PTGIS: variants seen among roughly 807,000 people sequenced by gnomAD.
PTGIS encodes prostacyclin synthase.
A neutral mutation model predicts 50.3 loss-of-function variants in PTGIS; 45 were observed. The observed-to-expected ratio is 0.90, with a 90% CI of 0.70 to 1.15. The LOEUF (loss-of-function observed/expected upper bound fraction) is 1.15, where lower values mean the gene tolerates loss of function less well. Ranked by LOEUF, PTGIS falls within the 50% of genes most tolerant of loss-of-function variation. The pLI is 0.00. For synonymous variants in PTGIS, 260 were observed against 267.7 expected, an observed-to-expected ratio of 0.97 and a Z score of 0.28; for missense variants, 668 against 661.3, an observed-to-expected ratio of 1.01 and a Z score of -0.11.
chr20:49,550,994 A>G (rs1297234488), intron 1 of PTGIS, among the ~76,000 whole-genome samples: 2 of 152,196 alleles, frequency 1.3e-5, no homozygotes, highest in Non-Finnish European at 2.9e-5. Context: ...ACTTGAGGCC[A>G]GGAGTTGAAG....
At chr20:49,548,051 G>A (rs774239902) in intron 2 of PTGIS, 32 bp from the exon 3 acceptor site, 6 of 1,601,634 alleles carry the variant, frequency 3.7e-6, no homozygotes, top group Non-Finnish European at 5.1e-6. Flanking sequence ...AGAGTGAGGA[G>A]TGTCACTGTG....
At chr20:49,516,340 C>T (rs536113959) in intron 6 of PTGIS, among the ~76,000 whole-genome samples, 12 of 152,282 alleles carry the variant, frequency 7.9e-5, no homozygotes, top group African/African-American at 2.9e-4. Context: ...TGCAATGGCA[C>T]GATCGTGGCT....
At chr20:49,508,122 G>A (rs1204614188) in intron 9 of PTGIS, 58 bp from the exon 10 acceptor site, 2 of 1,597,526 alleles carry the variant, frequency 1.3e-6, no homozygotes, top group Non-Finnish European at 1.7e-6. Flanking sequence ...GGGTTATCGG[G>A]AACAAGGCAG....
intron 1 of PTGIS, among the ~76,000 whole-genome samples, chr20:49,550,423 C>A (rs1982476948): frequency 6.6e-6 from 1 of 152,214 alleles, no homozygotes; most frequent in Non-Finnish European, 1.5e-5. Context: ...TCAGAGTCAT[C>A]TTTGAAGAAA....
chr20:49,507,668 T>C lies in PTGIS; in HGVS notation c.*252A>G, dbSNP rs1004740117. 2.5e-5 allele frequency: 14 copies of C among 568,218 alleles called. No individual in the cohort carries two copies. The highest frequency in any genetic ancestry group is 6.0e-5 in the Admixed American group (2 of 33,472). The allele number at this position is 568,218 out of a possible 1,614,324, so 35.2% of individuals were successfully genotyped here. On this transcript the variant is annotated 3_prime_UTR_variant, in exon 10 of 10. Transcript: ENST00000244043. The stretch of plus-strand genomic sequence containing the variant: ...CACGAGGTGAGAGTAACGAGGTGAA[T>C]TGGGAGCAGACAAAGCCTGATTTTG...
chr20:49,509,798 T>A (rs970431670), intron 9 of PTGIS, among the ~76,000 whole-genome samples: 5 of 151,904 alleles, frequency 3.3e-5, no homozygotes, highest in Non-Finnish European at 7.4e-5. Context: ...CTTTTTTTTT[T>A]ATTATGTCAC....
chr20:49,544,170 A>C, intron 4 of PTGIS, 135 bp downstream of exon 4: 2 of 1,204,136 alleles, frequency 1.7e-6, no homozygotes, highest in Non-Finnish European at 2.3e-6. Flanking sequence ...CGTCTTTCCT[A>C]CAGTCTTTGC....
At position 49,511,009 on chromosome 20, in the gene PTGIS, G is replaced by A. The variant is rs777674836; in HGVS notation, c.1358+19C>T. The A allele has an allele frequency of 1.9e-6, 3 of 1,610,798 alleles. No homozygotes were observed. The highest frequency in any genetic ancestry group is 2.5e-6 in the Non-Finnish European group (3 of 1,178,234). ...GGGGATCAGGAGCCACCCTGGCCCT[G>A]CCCTGGCCCCCCACTCACTGTTTGA... On this transcript the variant is annotated intron_variant, in intron 9 of 9. Transcript: ENST00000244043.
At chr20:49,557,899 C>G (rs925921956) in intron 1 of PTGIS, among the ~76,000 whole-genome samples, 13 of 152,110 alleles carry the variant, frequency 8.5e-5, no homozygotes, top group Non-Finnish European at 1.6e-4. Context: ...TCTCTTACAG[C>G]CCACCTTTCC....
Position 49,504,287 on chromosome 20 carries a change from TGGA to T in PTGIS, c.*3630_*3632del, listed in dbSNP as rs1981079662. The T allele has an allele frequency of 2.0e-5, 3 of 152,434 alleles. No individual in the cohort carries two copies. The highest frequency in any genetic ancestry group is 4.1e-4 in the South Asian group (2 of 4,832). The allele number at this position is 152,434 out of a possible 1,614,324, so 9.4% of individuals were successfully genotyped here. On this transcript the variant is annotated 3_prime_UTR_variant, in exon 10 of 10. Transcript: ENST00000244043. ...GCTCTCAGCCTTGGCCACACCAGCA[TGGA>T]GCCCCCTTCCCCAGCGAATTTATTT...
chr20:49,515,994 C>T (rs1401224424), intron 6 of PTGIS, among the ~76,000 whole-genome samples: 1 of 151,854 alleles, frequency 6.6e-6, no homozygotes, highest in African/African-American at 2.4e-5. Context: ...GATCCTTCTG[C>T]CTTAGCCTCC....
At chr20:49,539,836 G>C (rs73124177) in intron 4 of PTGIS, 115 bp from the exon 5 acceptor site, 4 of 1,377,262 alleles carry the variant, frequency 2.9e-6, no homozygotes, top group Non-Finnish European at 4.0e-6. Flanking sequence ...CCTACTGTGC[G>C]CCAAAGACCA....
rs1981179627 is a variant in PTGIS, at chr20:49,507,295, C to T, written c.*625G>A. 1 of 173,332 alleles carries T rather than the reference C, an allele frequency of 5.8e-6. No homozygotes were observed. The highest frequency in any genetic ancestry group is 1.2e-5 in the Non-Finnish European group (1 of 80,200). 10.7% of individuals were successfully genotyped at this position (173,332 alleles called of 1,614,324 possible). On this transcript the variant is annotated 3_prime_UTR_variant, in exon 10 of 10. Transcript: ENST00000244043. ...AGAGCCCAGTGTTTGGAGGGTGCCC[C>T]TGTTCTGCACCGGGAATGCATCAGC...
chr20:49,512,469 GTGGA>G (rs1232511763), intron 8 of PTGIS, among the ~76,000 whole-genome samples: 1 of 151,952 alleles, frequency 6.6e-6, no homozygotes, highest in East Asian at 1.9e-4. Context: ...AAGTGAGTGT[GTGGA>G]TGGATGGATG....
At chr20:49,524,859 C>G (rs1425859946) in intron 5 of PTGIS, among the ~76,000 whole-genome samples, 1 of 152,164 alleles carries the variant, frequency 6.6e-6, no homozygotes, top group Admixed American at 6.5e-5. Flanking sequence ...GGGTCCCTCC[C>G]ACAACACATG....
chr20:49,567,850 A>AG (rs1305675419), intron 1 of PTGIS, among the ~76,000 whole-genome samples, 193 bp downstream of exon 1: 1 of 152,094 alleles, frequency 6.6e-6, no homozygotes, highest in Non-Finnish European at 1.5e-5. Flanking sequence ...CCTTCTTGGC[A>AG]GGGGGAGCAC....
chr20:49,534,476 C>CA (rs1379434193), intron 5 of PTGIS, among the ~76,000 whole-genome samples: 1 of 151,928 alleles, frequency 6.6e-6, no homozygotes, highest in Admixed American at 6.6e-5. Context: ...GGGCTGCTCC[C>CA]AGAGTGATGG....
Position 49,514,241 on chromosome 20 carries a change from C to T in PTGIS, c.1010G>A (p.Ser337Asn). The stretch of plus-strand genomic sequence containing the variant: ...GACGATCTCACCAAGCACAGGTGTG[C>T]TGTCTAGAACCTTCTGTGGGAGAGT... ...TTTLPQKVLDSTPVLDSVLSE... is the reference protein window; with the variant it reads ...TTTLPQKVLDNTPVLDSVLSE... Residue 337 changes from serine to asparagine, a missense_variant, in exon 7 of 10, where the codon AGC (serine) becomes AAC (asparagine). Coordinates refer to ENST00000244043, the MANE Select transcript of PTGIS (RefSeq NM_000961.4). 6.2e-7 allele frequency: 1 copy of T among 1,613,864 alleles called. No homozygotes were observed. Among genetic ancestry groups the T allele is most frequent in the African/African-American group, 1.3e-5 (1 of 75,038 alleles).
At chr20:49,523,940 C>T in intron 6 of PTGIS, 118 bp downstream of exon 6, 1 of 1,278,366 alleles carries the variant, frequency 7.8e-7, no homozygotes, top group Non-Finnish European at 1.1e-6. Context: ...TACACATGCA[C>T]ACACAGGCAT....
Sources: allele counts gnomAD v4.1 joint callset (sites outside exome capture counted in the v4.1 genomes callset), GRCh38; gene constraint gnomAD v4.1.1; transcripts MANE v1.5; gene names NCBI Gene and HGNC (gene_info 2026-07-23, HGNC 2026-07-21).